The following TXNL4B variants were observed in gnomAD, a reference collection of about 807,000 sequenced individuals.
TXNL4B encodes the protein thioredoxin-like protein 4B.
TXNL4B carries 12 observed loss-of-function variants against 13.0 expected under a neutral mutation model. The ratio of observed to expected loss-of-function variants is 0.92; its 90% confidence interval spans 0.59 to 1.49. The LOEUF (loss-of-function observed/expected upper bound fraction) is 1.49, where lower values mean the gene tolerates loss of function less well. Among genes scored for constraint, TXNL4B ranks in the 40% most tolerant of loss-of-function variants. The pLI, the probability that TXNL4B is intolerant of heterozygous loss-of-function variation, is 0.00. For missense variants in TXNL4B, 214 were observed against 173.6 expected, an observed-to-expected ratio of 1.23 and a Z score of -1.31; for synonymous variants, 59 against 58.9, an observed-to-expected ratio of 1.00 and a Z score of -0.01.
chr16:72,086,790 G>A lies in TXNL4B; in HGVS notation c.297C>T (p.His99=). 1.9e-6 allele frequency: 3 copies of A among 1,609,852 alleles called. No individual in the cohort carries two copies. The highest frequency in any genetic ancestry group is 2.5e-6 in the Non-Finnish European group (3 of 1,176,702). The change falls in exon 4 of 4, where the codon CAC becomes CAT. Residue 99 remains histidine, a synonymous_variant. Coordinates refer to ENST00000268483, the MANE Select transcript of TXNL4B (RefSeq NM_017853.3). ...HMKVDYGSPD[H]TKFVGSFKTK... Reference sequence around the variant, plus strand: ...TTTTGAAGCTTCCCACAAACTTAGTGTGATCTGGAGATCTAGACAGCATAG... The same window carrying A: ...TTTTGAAGCTTCCCACAAACTTAGTATGATCTGGAGATCTAGACAGCATAG...
At chr16:72,087,099 C>T (rs1052238236) in intron 3 of TXNL4B, among the ~76,000 whole-genome samples, 1 of 152,166 alleles carries the variant, frequency 6.6e-6, no homozygotes, top group Admixed American at 6.5e-5. Context: ...GCAGATTTCA[C>T]CAAGTGTTGG....
intron 2 of TXNL4B, 42 bp downstream of exon 2, chr16:72,090,576 C>A: frequency 6.2e-7 from 1 of 1,603,110 alleles, no homozygotes. Flanking sequence ...TGAGAATATA[C>A]AGATTATTAA....
Position 72,086,641 on chromosome 16 carries a change from A to G in TXNL4B, c.446T>C (p.Ile149Thr). 1 of 1,612,062 alleles carries G rather than the reference A, an allele frequency of 6.2e-7. No individual in the cohort carries two copies. The highest frequency in any genetic ancestry group is 8.5e-7 in the Non-Finnish European group (1 of 1,178,296). The change falls in exon 4 of 4, where the codon ATT becomes ACT. Residue 149 changes from isoleucine (I) to threonine (T), a missense_variant. By Grantham distance (89) the Ile-to-Thr change is moderately conservative (BLOSUM62 -1). Transcript: ENST00000268483. ...IPKYDLLYQD[I>T] ...TCTTTGACAGCAATTAATGTACTAA[A>G]TGTCTTGATAGAGAAGGTCATATTT...
chr16:72,090,924 T>C, intron 1 of TXNL4B, 138 bp from the exon 2 acceptor site: 1 of 703,184 alleles, frequency 1.4e-6, no homozygotes, highest in South Asian at 2.1e-5. Context: ...CTGTGGAGTT[T>C]CCCTCTCTTT....
chr16:72,090,791 A>T lies in TXNL4B; in HGVS notation c.-37-5T>A, dbSNP rs774724544. 17 of 1,611,962 alleles carry T rather than the reference A, an allele frequency of 1.1e-5. No individual in the cohort carries two copies. The highest frequency in any genetic ancestry group is 1.4e-5 in the Non-Finnish European group (16 of 1,179,024). ...TGTGAATCCTCACTGTCACTCCTGA[A>T]ATAAAGGTGCAATGTTTAAAGACAG... On this transcript the variant is annotated splice_region_variant and splice_polypyrimidine_tract_variant and intron_variant, in intron 1 of 3. Coordinates refer to ENST00000268483, the MANE Select transcript of TXNL4B (RefSeq NM_017853.3).
At chr16:72,090,002 GA>G in intron 2 of TXNL4B, 1 of 438,060 alleles carries the variant, frequency 2.3e-6, no homozygotes, top group Non-Finnish European at 4.6e-6. Flanking sequence ...ACTGAGGGTA[GA>G]ATCCTCTGGT....
chr16:72,085,101 TTG>T lies in TXNL4B; in HGVS notation c.*1534_*1535del. ...GAGGTGATGGCCTCCTCCTCTCCTTTTGTCTTATTCCTGGAGTGACTCCCTCC... is the reference window on the plus strand; with the variant it reads ...GAGGTGATGGCCTCCTCCTCTCCTTTTCTTATTCCTGGAGTGACTCCCTCC... On this transcript the variant is annotated 3_prime_UTR_variant, in exon 4 of 4. Coordinates refer to ENST00000268483, the MANE Select transcript of TXNL4B (RefSeq NM_017853.3). 1 of 398,360 alleles carries T rather than the reference TTG, an allele frequency of 2.5e-6. No individual in the cohort carries two copies. Among genetic ancestry groups the T allele is most frequent in the Admixed American group, 4.4e-5 (1 of 22,720 alleles). 24.7% of individuals were successfully genotyped at this position (398,360 alleles called of 1,614,324 possible).
At chr16:72,091,055 C>T (rs924776218) in intron 1 of TXNL4B, among the ~76,000 whole-genome samples, 4 of 152,114 alleles carry the variant, frequency 2.6e-5, no homozygotes, top group Non-Finnish European at 4.4e-5. Context: ...TACAAATATG[C>T]GTTCCGATAT....
chr16:72,089,084 C>G lies in TXNL4B; in HGVS notation c.187G>C (p.Val63Leu), dbSNP rs762083336. The change falls in exon 3 of 4, where the codon GTG (valine) becomes CTG (leucine). Residue 63 changes from valine (V) to leucine (L), a missense_variant. Transcript: ENST00000268483. ...SKMAAIYLVD[V>L]DQTAVYTQYF... ...TGTGTATAAACTGCAGTTTGGTCCA[C>G]ATCTACCAGGTATATAGCAGCCATT... 7 of 1,612,584 alleles carry G rather than the reference C, an allele frequency of 4.3e-6. No homozygotes were observed. In the Admixed American group the frequency reaches 1.2e-4, roughly 27 times the overall value.
At position 72,089,070 on chromosome 16, in the gene TXNL4B, T is replaced by C; in HGVS notation, c.201A>G (p.Ala67=). The C allele has an allele frequency of 6.2e-7, 1 of 1,611,598 alleles. No individual in the cohort carries two copies. The change falls in exon 3 of 4, where the codon GCA becomes GCG. Residue 67 remains alanine, a synonymous_variant. Coordinates refer to ENST00000268483, the MANE Select transcript of TXNL4B (RefSeq NM_017853.3). ...TGATGTCAAAATACTGTGTATAAAC[T>C]GCAGTTTGGTCCACATCTACCAGGT... is the stretch of plus-strand genomic sequence containing the variant. ...AIYLVDVDQT[A]VYTQYFDISY... is the part of the protein sequence containing the mutation.
chr16:72,089,132 T>G lies in TXNL4B; in HGVS notation c.139A>C (p.Lys47Gln), dbSNP rs780160954. 1.9e-6 allele frequency: 3 copies of G among 1,607,462 alleles called. No individual in the cohort carries two copies. In the South Asian group the frequency reaches 3.3e-5, roughly 18 times the overall value. The change falls in exon 3 of 4, where the codon AAG becomes CAG. Residue 47 changes from lysine (K) to glutamine (Q), a missense_variant. Physicochemically the swap from Lys to Gln is moderately conservative, Grantham distance 53 (BLOSUM62 1). Transcript: ENST00000268483. ...ATTTTACTTAAGTCAGAAGAGGTCT[T>G]AGAAAGCTGCAAATGACGAGAGAGA... ...VCLQLDDILSKTSSDLSKMAA... is the reference protein window; with the variant it reads ...VCLQLDDILSQTSSDLSKMAA...
chr16:72,087,879 G>A (rs1381704683), intron 3 of TXNL4B, among the ~76,000 whole-genome samples: 1 of 152,044 alleles, frequency 6.6e-6, no homozygotes, highest in Non-Finnish European at 1.5e-5. Context: ...GAGTGCAGTG[G>A]CGCGCTCTCG....
intron 3 of TXNL4B, among the ~76,000 whole-genome samples, chr16:72,087,112 T>C (rs1194108946): frequency 6.6e-6 from 1 of 152,228 alleles, no homozygotes; most frequent in African/African-American, 2.4e-5. Context: ...AGTGTTGGAG[T>C]GCACATTGTT....
At chr16:72,092,071 AT>A (rs1416948311) in intron 1 of TXNL4B, among the ~76,000 whole-genome samples, 1 of 152,272 alleles carries the variant, frequency 6.6e-6, no homozygotes, top group African/African-American at 2.4e-5. Flanking sequence ...AGTTCCAAAT[AT>A]GAAAAGGGAG....
intron 3 of TXNL4B, among the ~76,000 whole-genome samples, chr16:72,087,924 A>G (rs551265561): frequency 4.3e-4 from 66 of 152,096 alleles, no homozygotes; most frequent in Non-Finnish European, 8.8e-4. Context: ...GGTTCATGCC[A>G]TTTTTCTGCC....
At chr16:72,090,035 C>T (rs2041879575) in intron 2 of TXNL4B, 1 of 454,464 alleles carries the variant, frequency 2.2e-6, no homozygotes, top group Admixed American at 2.4e-5. Flanking sequence ...CAAGCTAACA[C>T]ATCACACCCT....
intron 3 of TXNL4B, among the ~76,000 whole-genome samples, chr16:72,087,045 A>G (rs142985738): frequency 1.3e-5 from 2 of 152,326 alleles, no homozygotes; most frequent in Admixed American, 1.3e-4. Flanking sequence ...TTCAAAAGCT[A>G]TTGTAATCAC....
chr16:72,090,050 G>A (rs1446411866), intron 2 of TXNL4B: 1 of 455,410 alleles, frequency 2.2e-6, no homozygotes, highest in East Asian at 6.9e-5. Flanking sequence ...CACCCTCATT[G>A]TAACCACGGA....
rs183991985 is a variant in TXNL4B, at chr16:72,086,797, G to A, written c.290C>T (p.Pro97Leu). 14 of 1,608,136 alleles carry A rather than the reference G, an allele frequency of 8.7e-6. No individual in the cohort carries two copies. In the Admixed American group the frequency reaches 1.0e-4, roughly 12 times the overall value. Reference sequence around the variant, plus strand: ...GCTTCCCACAAACTTAGTGTGATCTGGAGATCTAGACAGCATAGAAGAGAA... The same window carrying A: ...GCTTCCCACAAACTTAGTGTGATCTAGAGATCTAGACAGCATAGAAGAGAA... Reference protein sequence around the residue: ...GQHMKVDYGSPDHTKFVGSFK... With the variant: ...GQHMKVDYGSLDHTKFVGSFK... The change falls in exon 4 of 4, where the codon CCA becomes CTA. Residue 97 changes from proline (P) to leucine (L), a missense_variant. Coordinates refer to ENST00000268483, the MANE Select transcript of TXNL4B (RefSeq NM_017853.3).
Sources: allele counts gnomAD v4.1 joint callset (sites outside exome capture counted in the v4.1 genomes callset), GRCh38; gene constraint gnomAD v4.1.1; transcripts MANE v1.5; gene names NCBI Gene and HGNC (gene_info 2026-07-23, HGNC 2026-07-21).